Variants in RNF213 observed in about 807,000 individuals in gnomAD.
The protein encoded by RNF213 is E3 ubiquitin-protein ligase RNF213.
A neutral mutation model predicts 514.4 loss-of-function variants in RNF213; 341 were observed. The ratio of observed to expected loss-of-function variants is 0.66; its 90% CI spans 0.61 to 0.73. The LOEUF (loss-of-function observed/expected upper bound fraction) is 0.73, where lower values mean the gene tolerates loss of function less well. RNF213 is among the 30% of genes least tolerant of loss of function. The pLI, the probability that RNF213 is intolerant of heterozygous loss-of-function variation, is 0.00. For synonymous variants in RNF213, 2,655 were observed against 2,658.2 expected, an observed-to-expected ratio of 1.00 and a Z score of 0.04; for missense variants, 5,767 against 6,615.6, an observed-to-expected ratio of 0.87 and a Z score of 4.45.
intron 11 of RNF213, among the ~76,000 whole-genome samples, chr17:80,305,359 G>A (rs894404147): frequency 7.3e-5 from 11 of 151,504 alleles, no homozygotes; most frequent in African/African-American, 2.2e-4. Context: ...AGGATTTTTA[G>A]TAGAGACGGG....
In RNF213 at chr17:80,353,900, G is replaced by C; in HGVS notation, c.10579-119G>C. The C allele has an allele frequency of 6.5e-6, 9 of 1,390,606 alleles. No homozygotes were observed. Among genetic ancestry groups the C allele is most frequent in the Non-Finnish European group, 9.0e-6 (9 of 997,678 alleles). 86.1% of individuals were successfully genotyped at this position (1,390,606 alleles called of 1,614,324 possible). A position where few individuals can be genotyped will look rare whatever the true frequency, so the allele number is the denominator to read the frequency against. On this transcript the variant is annotated intron_variant, in intron 34 of 67. Transcript: ENST00000582970. This position sits in a 1 kb window ranked among gnomAD's most constrained non-coding sequence, Gnocchi z 5.0. ...GGAGGTCGGCGTCTCTTCTTTGTCC[G>C]TGAGGACCGCCGCCCTGTGCTGTTT...
chr17:80,384,966 C>A lies in RNF213; in HGVS notation c.14323-73C>A, dbSNP rs939193341. On this transcript the variant is annotated intron_variant, in intron 59 of 67. Coordinates refer to ENST00000582970, the MANE Select transcript of RNF213 (RefSeq NM_001256071.3). ...TACAAATACAAGTCTCGCAGCCAGT[C>A]TCAAAGTCTGTAACCCCAATAACAT... 2.0e-6 allele frequency: 3 copies of A among 1,514,250 alleles called. No homozygotes were observed. In the African/African-American group the frequency reaches 4.1e-5, roughly 21 times the overall value. 93.8% of individuals were successfully genotyped at this position (1,514,250 alleles called of 1,614,324 possible).
chr17:80,344,556 C>A, intron 28 of RNF213, 122 bp from the exon 29 acceptor site: 2 of 1,072,976 alleles, frequency 1.9e-6, no homozygotes, highest in Non-Finnish European at 2.8e-6. Context: ...CAGAAAGCTA[C>A]ATATTTTCAG....
chr17:80,348,788 C>A (rs1371803522), intron 29 of RNF213, among the ~76,000 whole-genome samples: 1 of 152,158 alleles, frequency 6.6e-6, no homozygotes, highest in East Asian at 1.9e-4. Context: ...AGGCTGAGGG[C>A]CTTCTGTGGG....
At chr17:80,284,310 G>A (rs548606404) in intron 3 of RNF213, among the ~76,000 whole-genome samples, 1 of 152,256 alleles carries the variant, frequency 6.6e-6, no homozygotes, top group Admixed American at 6.5e-5. Context: ...GTTGCAATGG[G>A]CTCAGATCAT....
intron 44 of RNF213, among the ~76,000 whole-genome samples, chr17:80,369,066 C>CT (rs1159512866): frequency 3.3e-5 from 5 of 152,160 alleles, no homozygotes; most frequent in Non-Finnish European, 5.9e-5. Flanking sequence ...AAGACTAGCT[C>CT]TAACGGGTGA....
intron 36 of RNF213, among the ~76,000 whole-genome samples, chr17:80,355,609 C>CGACGAAGAAGT (rs1367354658): frequency 5.9e-4 from 12 of 20,354 alleles, no homozygotes; most frequent in African/African-American, 9.7e-4. Context: ...GGGGAAGAAG[C>CGACGAAGAAGT]GGGGTGAGTG....
chr17:80,290,334 C>T (rs533582854), intron 6 of RNF213, among the ~76,000 whole-genome samples: 56 of 149,934 alleles, frequency 3.7e-4, no homozygotes, highest in Admixed American at 8.6e-4. Flanking sequence ...CGTGTGTGTG[C>T]GCACGTGTGT....
At chr17:80,286,603 C>T (rs2044480950) in intron 3 of RNF213, among the ~76,000 whole-genome samples, 1 of 152,070 alleles carries the variant, frequency 6.6e-6, no homozygotes, top group African/African-American at 2.4e-5. Context: ...CCCTTGTTAC[C>T]AGTTGCTGAG....
rs752904494 is a variant in RNF213, at chr17:80,346,941, T to C, written c.8606T>C (p.Ile2869Thr). 1.9e-6 allele frequency: 3 copies of C among 1,613,982 alleles called. No individual in the cohort carries two copies. Among genetic ancestry groups the C allele is most frequent in the South Asian group, 1.1e-5 (1 of 91,054 alleles). Residue 2869 changes from isoleucine to threonine, a missense_variant, in exon 29 of 68, where the codon ATT becomes ACT. Coordinates refer to ENST00000582970, the MANE Select transcript of RNF213 (RefSeq NM_001256071.3). The surrounding 1 kb of genome is among the most constrained non-coding windows in gnomAD (Gnocchi z 8.1). ...CACCCGCTGCTGGAAGACGGATGCA[T>C]TGAAGACGATCCCGCCCCCCACAAA... Reference protein sequence around the residue: ...TLHPLLEDGCIEDDPAPHKKV... With the variant: ...TLHPLLEDGCTEDDPAPHKKV...
At chr17:80,277,014 A>T (rs1388761618) in intron 3 of RNF213, among the ~76,000 whole-genome samples, 1 of 151,808 alleles carries the variant, frequency 6.6e-6, no homozygotes, top group African/African-American at 2.4e-5. Flanking sequence ...CCGAGATCGC[A>T]CCACTGCACT....
chr17:80,339,071 TGAGCGCAG>T, intron 25 of RNF213, 122 bp from the exon 26 acceptor site: 1 of 662,806 alleles, frequency 1.5e-6, no homozygotes, highest in Non-Finnish European at 2.5e-6. Flanking sequence ...GGAGGCCTTG[TGAGCGCAG>T]ATCATGCAGT....
Position 80,389,304 on chromosome 17 carries a change from G to A in RNF213, c.15132G>A (p.Met5044Ile), listed in dbSNP as rs759559424. 5.6e-6 allele frequency: 9 copies of A among 1,614,076 alleles called. No individual in the cohort carries two copies. The East Asian group carries it at 1.1e-4, about 20-fold the overall frequency. Residue 5044 changes from methionine to isoleucine, a missense_variant, in exon 65 of 68, where the codon ATG becomes ATA. Around this residue, in one of 13 missense-constraint regions of RNF213, gnomAD observed 1,245 missense variants for 1,339.0 expected, o/e 0.93. Coordinates refer to ENST00000582970, the MANE Select transcript of RNF213 (RefSeq NM_001256071.3). ...FLSTAGGDPNMQLNVYTQDIL... is the reference protein window; with the variant it reads ...FLSTAGGDPNIQLNVYTQDIL... The stretch of plus-strand genomic sequence containing the variant: ...GCACAGCTGGTGGGGATCCAAACAT[G>A]CAGCTGAATGTGTATACTCAAGACA...
At chr17:80,374,363 C>T (rs571932753) in intron 49 of RNF213, 95 bp from the exon 50 acceptor site, 32 of 1,552,290 alleles carry the variant, frequency 2.1e-5, no homozygotes, top group East Asian at 1.6e-4. Context: ...CTTTAAACCT[C>T]GAATGATCAA....
chr17:80,372,469 A>G (rs2079553403), intron 47 of RNF213, 52 bp from the exon 48 acceptor site: 5 of 1,329,962 alleles, frequency 3.8e-6, no homozygotes. Flanking sequence ...AGCTTGGGGC[A>G]TCCATGTTTA....
At position 80,329,418 on chromosome 17, in the gene RNF213, C is replaced by T. The variant is rs139812863; in HGVS notation, c.3517+941C>T. 3.3e-5 allele frequency among the ~76,000 whole-genome samples: 5 copies of T among 152,336 alleles called. No individual in the cohort carries two copies. In the East Asian group the frequency reaches 5.8e-4, roughly 18 times the overall value. Reference sequence around the variant, plus strand: ...CAGTGTGGCTATGTATGGAGAAGTCCGATGCAGTGCCAGTTACACATCCTT... The same window carrying T: ...CAGTGTGGCTATGTATGGAGAAGTCTGATGCAGTGCCAGTTACACATCCTT... On this transcript the variant is annotated intron_variant, in intron 20 of 67. Coordinates refer to ENST00000582970, the MANE Select transcript of RNF213 (RefSeq NM_001256071.3).
Position 80,309,041 on chromosome 17 carries a change from C to A in RNF213, c.2525C>A (p.Pro842Gln). ...AGGATTCCCGAGGAGGCCTTGTCAC[C>A]ATCCTACCTGACTGTGTGTCTGAAA... The part of the protein sequence containing the change: ...RDKIPEEALS[P>Q]SYLTVCLKLH... The change falls in exon 14 of 68, where the codon CCA (proline) becomes CAA (glutamine). Residue 842 changes from proline (P) to glutamine (Q), a missense_variant. By Grantham distance (76) the Pro-to-Gln change is moderately conservative (BLOSUM62 -1). Coordinates refer to ENST00000582970, the MANE Select transcript of RNF213 (RefSeq NM_001256071.3). The A allele has an allele frequency of 6.2e-7, 1 of 1,614,104 alleles. No homozygotes were observed. The highest frequency in any genetic ancestry group is 8.5e-7 in the Non-Finnish European group (1 of 1,180,032).
chr17:80,348,026 C>T lies in RNF213; in HGVS notation c.9691C>T (p.Leu3231=). The change falls in exon 29 of 68, where the codon CTG becomes TTG. Residue 3231 remains leucine, a synonymous_variant. Coordinates refer to ENST00000582970, the MANE Select transcript of RNF213 (RefSeq NM_001256071.3). ...YHSDACASVV[L]QVIERQGPRA... is the part of the protein sequence containing the mutation. ...CTCGGACGCCTGCGCGTCTGTGGTG[C>T]TGCAGGTCATAGAGAGGCAGGGTCC... The T allele has an allele frequency of 1.2e-6, 2 of 1,614,242 alleles. No individual in the cohort carries two copies. Among genetic ancestry groups the T allele is most frequent in the Non-Finnish European group, 8.5e-7 (1 of 1,180,046 alleles).
In RNF213 at chr17:80,264,223, G is replaced by A. The variant is rs1194557072; in HGVS notation, c.97+445G>A. The stretch of plus-strand genomic sequence containing the variant: ...AATGAGAAGTGTCGGGCTGAGCTGA[G>A]GGCTTCATAGAGAGTTTCAGAGAAT... On this transcript the variant is annotated intron_variant, in intron 2 of 67. Transcript: ENST00000582970. The surrounding 1 kb of genome is among the most constrained non-coding windows in gnomAD (Gnocchi z 5.0). Among the ~76,000 whole-genome samples the A allele has an allele frequency of 3.3e-5, 5 of 152,324 alleles. No homozygotes were observed. Among genetic ancestry groups the A allele is most frequent in the Non-Finnish European group, 7.3e-5 (5 of 68,034 alleles).
Sources: allele counts gnomAD v4.1 joint callset (sites outside exome capture counted in the v4.1 genomes callset), GRCh38; gene constraint gnomAD v4.1.1; regional missense constraint gnomAD v4.1.1; non-coding constraint Gnocchi (gnomAD v3.1); transcripts MANE v1.5; gene names NCBI Gene and HGNC (gene_info 2026-07-23, HGNC 2026-07-21).